EFNA1: variants seen among roughly 807,000 people sequenced by gnomAD.
EFNA1 encodes the protein ephrin-A1.
A neutral mutation model predicts 23.2 loss-of-function variants in EFNA1; 8 were observed. That is an observed-to-expected ratio of 0.34 (90% CI 0.20 to 0.62). The LOEUF (loss-of-function observed/expected upper bound fraction) is 0.62, where lower values mean the gene tolerates loss of function less well. Among genes scored for constraint, EFNA1 ranks in the 20% least tolerant of loss-of-function variants. The pLI, the probability that EFNA1 is intolerant of heterozygous loss-of-function variation, is 0.75. For synonymous variants in EFNA1, 89 were observed against 98.6 expected, an observed-to-expected ratio of 0.90 and a Z score of 0.58; for missense variants, 217 against 260.0, an observed-to-expected ratio of 0.83 and a Z score of 1.14.
Position 155,131,340 on chromosome 1 carries a change from T to C in EFNA1, c.94T>C (p.Phe32Leu). The C allele has an allele frequency of 3.1e-6, 5 of 1,599,604 alleles. No individual in the cohort carries two copies. The highest frequency in any genetic ancestry group is 4.3e-6 in the Non-Finnish European group (5 of 1,168,200). The change falls in exon 2 of 5, where the codon TTC becomes CTC. Residue 32 changes from phenylalanine (F) to leucine (L), a missense_variant and splice_region_variant. Phe to Leu is a conservative substitution (Grantham distance 22, BLOSUM62 0). Coordinates refer to ENST00000368407, the MANE Select transcript of EFNA1 (RefSeq NM_004428.3). ...TCTTCCCCCTGTGTGTGTCCCCAGG[T>C]TCCGGAATGAGGACTACACCATACA... ...TVFWNSSNPKFRNEDYTIHVQ... is the reference protein window; with the variant it reads ...TVFWNSSNPKLRNEDYTIHVQ...
At position 155,133,751 on chromosome 1, in the gene EFNA1, A is replaced by T. The variant is rs4745; in HGVS notation, c.476A>T (p.Asp159Val). The T allele has an allele frequency of 0.49, 786,184 of 1,613,502 alleles. 200,789 individuals carry two copies. Among genetic ancestry groups the T allele is most frequent in the Middle Eastern group, 0.63 (3,818 of 6,062 alleles). Residue 159 changes from aspartate to valine, a missense_variant, in exon 4 of 5, where the codon GAC becomes GTC. By Grantham distance (152) the Asp-to-Val change is radical. Transcript: ENST00000368407. Reference protein sequence around the residue: ...GKITHSPQAHDNPQEKRLAAD... With the variant: ...GKITHSPQAHVNPQEKRLAAD... ...TCAGCTCACAGTCCTCAGGCCCATG[A>T]CAATCCACAGGAGAAGAGACTTGCA...
Position 155,133,540 on chromosome 1 carries a change from G to A in EFNA1, c.426G>A (p.Arg142=), listed in dbSNP as rs6699434. The A allele has an allele frequency of 1.7e-3, 2,713 of 1,614,020 alleles. 44 individuals carry two copies. The African/African-American group carries it at 0.031, about 18-fold the overall frequency. Residue 142 remains arginine (R), a synonymous_variant, in exon 3 of 5, where the codon AGG becomes AGA. Transcript: ENST00000368407. ...ACCAGCATGAAGACCGCTGCTTGAG[G>A]TTGAAGGTGACTGTCAGTGGCAAAA... The part of the protein sequence containing the change: ...PIHQHEDRCL[R]LKVTVSGKIT...
chr1:155,128,313 C>T (rs1262158248), intron 1 of EFNA1, among the ~76,000 whole-genome samples: 1 of 152,160 alleles, frequency 6.6e-6, no homozygotes, highest in Non-Finnish European at 1.5e-5. Flanking sequence ...ACCCCTATTA[C>T]TCTAAAGTGA....
In EFNA1 at chr1:155,134,782, C is replaced by G. The variant is rs1370462841; in HGVS notation, c.*715C>G. 6.5e-6 allele frequency: 1 copy of G among 154,048 alleles called. No homozygotes were observed. The highest frequency in any genetic ancestry group is 6.4e-5 in the Admixed American group (1 of 15,596). The allele number at this position is 154,048 out of a possible 1,614,324, so 9.5% of individuals were successfully genotyped here. ...TATCTGTATATAAGTTGCTGTGTGT[C>G]TGTCCTGATTTCTACAACTGGAGTT... On this transcript the variant is annotated 3_prime_UTR_variant, in exon 5 of 5. Transcript: ENST00000368407.
chr1:155,128,164 G>A, intron 1 of EFNA1, 95 bp downstream of exon 1: 1 of 1,115,258 alleles, frequency 9.0e-7, no homozygotes. Flanking sequence ...TGAGCCTAGA[G>A]TAGATGACCG....
At position 155,130,213 on chromosome 1, in the gene EFNA1, G is replaced by A. The variant is rs1340666718; in HGVS notation, c.93-1126G>A. 2.6e-5 allele frequency among the ~76,000 whole-genome samples: 4 copies of A among 152,346 alleles called. 1 individual carries two copies. The highest frequency in any genetic ancestry group is 6.8e-3 in the Middle Eastern group (2 of 294). On this transcript the variant is annotated intron_variant, in intron 1 of 4. Transcript: ENST00000368407. ...TGACTCCTTCCTCGCCCTCCCAGCC[G>A]TGGCCAGGGCTTTCAGTTCGAAGCA...
In EFNA1 at chr1:155,134,137, T is replaced by G. The variant is rs966154810; in HGVS notation, c.*70T>G. The G allele has an allele frequency of 3.2e-5, 47 of 1,483,558 alleles. No homozygotes were observed. In the African/African-American group the frequency reaches 6.0e-4, roughly 19 times the overall value. 91.9% of individuals were successfully genotyped at this position (1,483,558 alleles called of 1,614,324 possible). On this transcript the variant is annotated 3_prime_UTR_variant, in exon 5 of 5. Coordinates refer to ENST00000368407, the MANE Select transcript of EFNA1 (RefSeq NM_004428.3). ...AGGGACAGGCACTCCAAACCTGTCTTGGGGCCACTTTCAGAGCCCCCAGCC... is the reference window on the plus strand; with the variant it reads ...AGGGACAGGCACTCCAAACCTGTCTGGGGGCCACTTTCAGAGCCCCCAGCC...
intron 2 of EFNA1, among the ~76,000 whole-genome samples, chr1:155,132,437 G>A (rs1349258738): frequency 6.6e-6 from 1 of 151,812 alleles, no homozygotes; most frequent in Non-Finnish European, 1.5e-5. Context: ...TAGTAGAGAT[G>A]GGGTTTCACC....
intron 4 of EFNA1, 23 bp downstream of exon 4, chr1:155,133,803 G>A (rs911656021): frequency 1.9e-6 from 3 of 1,614,022 alleles, no homozygotes; most frequent in African/African-American, 1.3e-5. Context: ...AGCAAACTGG[G>A]CCTGGGGCAC....
At chr1:155,129,626 T>C (rs1664182366) in intron 1 of EFNA1, 1 of 152,346 alleles carries the variant, frequency 6.6e-6, no homozygotes, top group Middle Eastern at 3.3e-3. Flanking sequence ...GGGCCCAGCG[T>C]GGGGGCAAAT....
chr1:155,132,605 A>C (rs762633980), intron 2 of EFNA1, among the ~76,000 whole-genome samples: 19 of 150,330 alleles, frequency 1.3e-4, no homozygotes, highest in Non-Finnish European at 2.4e-4. Context: ...AGGTGGGTGG[A>C]TCACCTAGGG....
At position 155,131,332 on chromosome 1, in the gene EFNA1, TC is replaced by T; in HGVS notation, c.93-3del. The stretch of plus-strand genomic sequence containing the variant: ...CACCTGCTTCTTCCCCCTGTGTGTG[TC>T]CCCAGGTTCCGGAATGAGGACTACA... On this transcript the variant is annotated splice_polypyrimidine_tract_variant and splice_region_variant and intron_variant, in intron 1 of 4. Coordinates refer to ENST00000368407, the MANE Select transcript of EFNA1 (RefSeq NM_004428.3). 6.3e-7 allele frequency: 1 copy of T among 1,598,114 alleles called. No individual in the cohort carries two copies. Among genetic ancestry groups the T allele is most frequent in the Non-Finnish European group, 8.6e-7 (1 of 1,167,364 alleles).
intron 2 of EFNA1, among the ~76,000 whole-genome samples, chr1:155,132,772 A>C (rs1355921477): frequency 1.3e-5 from 2 of 151,214 alleles, no homozygotes; most frequent in African/African-American, 4.9e-5. Context: ...GTGAGGTTAC[A>C]GTGAGCCGAG....
At chr1:155,128,676 G>A (rs1339331973) in intron 1 of EFNA1, among the ~76,000 whole-genome samples, 1 of 152,214 alleles carries the variant, frequency 6.6e-6, no homozygotes, top group Non-Finnish European at 1.5e-5. Context: ...CTGTTTATGG[G>A]GCTCTCAAGT....
At chr1:155,129,208 C>T (rs1664163129) in intron 1 of EFNA1, among the ~76,000 whole-genome samples, 1 of 152,184 alleles carries the variant, frequency 6.6e-6, no homozygotes, top group African/African-American at 2.4e-5. Flanking sequence ...GCTTTGCCTC[C>T]TTGACCTGAT....
intron 1 of EFNA1, 64 bp downstream of exon 1, chr1:155,128,133 T>G (rs1664140913): frequency 6.9e-7 from 1 of 1,452,340 alleles, no homozygotes; most frequent in East Asian, 2.3e-5. Context: ...CCGGGATAAC[T>G]GTCCCGGCCA....
At chr1:155,129,786 G>A (rs1571684021) in intron 1 of EFNA1, 1 of 152,362 alleles carries the variant, frequency 6.6e-6, no homozygotes, top group East Asian at 1.9e-4. Flanking sequence ...CCCTCATTCT[G>A]ACCTGCCAGC....
chr1:155,132,999 C>T (rs370926079), intron 2 of EFNA1, among the ~76,000 whole-genome samples: 1 of 152,024 alleles, frequency 6.6e-6, no homozygotes, highest in African/African-American at 2.4e-5. Context: ...CAACCTCCAC[C>T]TCCCGGGTTC....
rs965779246 is a variant in EFNA1 at position 155,134,448 on chromosome 1, G to A, written c.*381G>A. ...TGTCAAAGATGCCCCCTCCAGGAGAGAGCCAGGATGCCCAGATGAACTGAC... is the reference window on the plus strand; with the variant it reads ...TGTCAAAGATGCCCCCTCCAGGAGAAAGCCAGGATGCCCAGATGAACTGAC... On this transcript the variant is annotated 3_prime_UTR_variant, in exon 5 of 5. Coordinates refer to ENST00000368407, the MANE Select transcript of EFNA1 (RefSeq NM_004428.3). The A allele has an allele frequency of 4.5e-5, 12 of 264,528 alleles. No homozygotes were observed. Among genetic ancestry groups the A allele is most frequent in the Non-Finnish European group, 8.1e-5 (11 of 135,462 alleles). The allele number at this position is 264,528 out of a possible 1,614,324, so 16.4% of individuals were successfully genotyped here. A position where few individuals can be genotyped will look rare whatever the true frequency, so the allele number is the denominator to read the frequency against.
Sources: gnomAD v4.1 joint callset for allele counts (sites outside exome capture counted in the v4.1 genomes callset) on GRCh38, gnomAD v4.1.1 for gene constraint, MANE v1.5 for transcripts, NCBI Gene and HGNC (gene_info 2026-07-23, HGNC 2026-07-21) for gene names.